Variants in GRID2 observed in about 807,000 individuals in gnomAD.
GRID2 encodes glutamate ionotropic receptor delta type subunit 2, also known as glutamate receptor ionotropic, delta-2.
Under a neutral mutation model 114.8 loss-of-function variants are expected in GRID2, and 33 were observed. The ratio of observed to expected loss-of-function variants is 0.29; its 90% confidence interval spans 0.22 to 0.38. The LOEUF (loss-of-function observed/expected upper bound fraction) is 0.38, where lower values mean the gene tolerates loss of function less well. Among genes scored for constraint, GRID2 ranks in the 10% least tolerant of loss-of-function variants. The pLI is 1.00. For missense variants in GRID2, 1,184 were observed against 1,257.7 expected (o/e 0.94, Z 0.89); for synonymous variants, 505 against 449.9 (o/e 1.12, Z -1.55).
chr4:92,481,464 G>A (rs1016445778), intron 1 of GRID2, among the ~76,000 whole-genome samples: 7 of 152,142 alleles, frequency 4.6e-5, no homozygotes, highest in African/African-American at 1.7e-4. Flanking sequence ...TGAATAAGGA[G>A]TCTTCCTCAT....
intron 2 of GRID2, among the ~76,000 whole-genome samples, chr4:92,617,746 C>A (rs1730071716): frequency 6.6e-6 from 1 of 151,548 alleles, no homozygotes; most frequent in Non-Finnish European, 1.5e-5. Context: ...ATTTTAATTT[C>A]CCTGATGATT....
chr4:92,827,234 A>G (rs2149394331), intron 2 of GRID2, among the ~76,000 whole-genome samples: 1 of 152,098 alleles, frequency 6.6e-6, no homozygotes, highest in South Asian at 2.1e-4. Context: ...ATATTTATCC[A>G]AAAAATATTT....
At chr4:92,596,450 G>T (rs1728959545) in intron 2 of GRID2, among the ~76,000 whole-genome samples, 1 of 152,048 alleles carries the variant, frequency 6.6e-6, no homozygotes, top group Non-Finnish European at 1.5e-5. Flanking sequence ...GATGCTGGAT[G>T]TCTATTCAGT....
intron 4 of GRID2, among the ~76,000 whole-genome samples, chr4:93,172,320 C>T (rs186985536): frequency 5.9e-5 from 9 of 152,154 alleles, no homozygotes; most frequent in Non-Finnish European, 1.0e-4. Flanking sequence ...TGGCCAGGCG[C>T]GGTGGCTCAC....
At chr4:93,084,259 T>C (rs1488858042) in intron 2 of GRID2, among the ~76,000 whole-genome samples, 3 of 152,132 alleles carry the variant, frequency 2.0e-5, no homozygotes, top group Non-Finnish European at 2.9e-5. Context: ...TTTTGAGGTA[T>C]GCACATAGAA....
intron 4 of GRID2, among the ~76,000 whole-genome samples, chr4:93,197,755 A>G (rs527437537): frequency 1.3e-5 from 2 of 152,260 alleles, no homozygotes; most frequent in Admixed American, 1.3e-4. Context: ...TATGTAACAT[A>G]CCTTGTTACA....
intron 2 of GRID2, among the ~76,000 whole-genome samples, chr4:92,667,908 T>G (rs542000748): frequency 6.6e-6 from 1 of 151,920 alleles, no homozygotes; most frequent in African/African-American, 2.4e-5. Context: ...CTTCAAGAAT[T>G]AATGTAGCCC....
intron 9 of GRID2, among the ~76,000 whole-genome samples, chr4:93,402,632 T>C (rs930631350): frequency 2.0e-5 from 3 of 152,092 alleles, no homozygotes; most frequent in African/African-American, 7.2e-5. Flanking sequence ...GAAAACCTGC[T>C]AATGAGGACC....
chr4:93,590,376 G>A (rs1037843972), intron 13 of GRID2, among the ~76,000 whole-genome samples: 70 of 149,902 alleles, frequency 4.7e-4, no homozygotes, highest in Admixed American at 2.3e-3. Flanking sequence ...GATAGGTGGC[G>A]TTATTTCTGA....
chr4:92,719,261 A>T (rs1425359985), intron 2 of GRID2, among the ~76,000 whole-genome samples: 1 of 152,174 alleles, frequency 6.6e-6, no homozygotes, highest in Non-Finnish European at 1.5e-5. Flanking sequence ...TGCTGGGATT[A>T]CAGGCATGAG....
intron 13 of GRID2, among the ~76,000 whole-genome samples, chr4:93,596,290 T>C (rs1739079927): frequency 1.3e-5 from 2 of 152,174 alleles, no homozygotes; most frequent in South Asian, 2.1e-4. Context: ...AAATAAAGGC[T>C]ACTTGAGGGC....
chr4:92,938,520 C>G (rs1232185137), intron 2 of GRID2, among the ~76,000 whole-genome samples: 3 of 146,110 alleles, frequency 2.1e-5, no homozygotes, highest in South Asian at 2.3e-4. Flanking sequence ...AGTAACAACC[C>G]TAGCTATGTA....
chr4:92,632,556 C>A (rs778723079), intron 2 of GRID2, among the ~76,000 whole-genome samples: 8 of 152,082 alleles, frequency 5.3e-5, no homozygotes, highest in African/African-American at 1.9e-4. Flanking sequence ...TTACTTGCAC[C>A]TGCAGACGGA....
chr4:93,733,892 C>A (rs1730702384), intron 14 of GRID2, among the ~76,000 whole-genome samples: 1 of 152,208 alleles, frequency 6.6e-6, no homozygotes, highest in Admixed American at 6.5e-5. Flanking sequence ...GGCCACAGAG[C>A]AAGCAGCAAA....
At chr4:93,362,718 T>G (rs1416139096) in intron 8 of GRID2, among the ~76,000 whole-genome samples, 2 of 152,084 alleles carry the variant, frequency 1.3e-5, no homozygotes, top group African/African-American at 2.4e-5. Flanking sequence ...TTCTCTGATC[T>G]TTCATTCTGC....
chr4:92,458,586 C>T (rs1049720837), intron 1 of GRID2, among the ~76,000 whole-genome samples: 1 of 152,052 alleles, frequency 6.6e-6, no homozygotes, highest in Non-Finnish European at 1.5e-5. Context: ...ATAATAGGTT[C>T]GTGACAGGAA....
chr4:92,744,908 C>T (rs1331669421), intron 2 of GRID2, among the ~76,000 whole-genome samples: 1 of 152,050 alleles, frequency 6.6e-6, no homozygotes, highest in African/African-American at 2.4e-5. Flanking sequence ...TGCTTTGTAG[C>T]AAAGGGAAGG....
chr4:93,397,469 C>T (rs1404504503), intron 9 of GRID2, among the ~76,000 whole-genome samples: 1 of 151,860 alleles, frequency 6.6e-6, no homozygotes, highest in Non-Finnish European at 1.5e-5. Flanking sequence ...CTTTGTTTTC[C>T]TTTGAGAAAA....
At chr4:92,865,824 A>G (rs933970005) in intron 2 of GRID2, among the ~76,000 whole-genome samples, 4 of 152,268 alleles carry the variant, frequency 2.6e-5, no homozygotes, top group Non-Finnish European at 5.9e-5. Context: ...AAGAAACGGC[A>G]AAGCAAAAAT....
Sources: gnomAD v4.1 joint callset for allele counts (sites outside exome capture counted in the v4.1 genomes callset) on GRCh38, gnomAD v4.1.1 for gene constraint, MANE v1.5 for transcripts, NCBI Gene and HGNC (gene_info 2026-07-23, HGNC 2026-07-21) for gene names.